Variants in EBF1 observed in about 807,000 individuals in gnomAD.
EBF1 encodes the protein EBF transcription factor 1.
In EBF1, 10 loss-of-function variants were observed where a neutral mutation model predicts 68.4. The ratio of observed to expected loss-of-function variants is 0.15; its 90% confidence interval spans 0.09 to 0.25. EBF1 has a LOEUF of 0.25. Among genes scored for constraint, EBF1 ranks in the 10% least tolerant of loss-of-function variants. EBF1 has a pLI of 1.00. For missense variants in EBF1, 509 were observed against 794.4 expected (o/e 0.64, Z 4.32); for synonymous variants, 298 against 299.8 (o/e 0.99, Z 0.06).
rs111591070 is a variant in EBF1, at chr5:158,890,678, G to A, written c.555-50568C>T. ...CTGCCTTTGTTTTTGGTCCTTCCCC[G>A]AAGCCCCCGCCACCCTGCTGCTAAG... On this transcript the variant is annotated intron_variant, in intron 6 of 15. Coordinates refer to ENST00000313708, the MANE Select transcript of EBF1 (RefSeq NM_024007.5). Among the ~76,000 whole-genome samples the A allele has an allele frequency of 3.9e-5, 6 of 152,074 alleles. No individual in the cohort carries two copies. In the East Asian group the frequency reaches 9.6e-4, roughly 24 times the overall value.
chr5:159,096,902 G>A, intron 2 of EBF1, 72 bp downstream of exon 2: 1 of 1,554,150 alleles, frequency 6.4e-7, no homozygotes, highest in Non-Finnish European at 8.7e-7. Context: ...GGAAGGGCGC[G>A]CTGCCCAAGG....
At chr5:158,992,350 G>C (rs1181464497) in intron 6 of EBF1, among the ~76,000 whole-genome samples, 1 of 151,068 alleles carries the variant, frequency 6.6e-6, no homozygotes, top group Non-Finnish European at 1.5e-5. Context: ...CAGAATTAAA[G>C]AAATGTATGC....
chr5:158,741,476 G>A (rs946919743), intron 10 of EBF1, among the ~76,000 whole-genome samples: 1 of 151,710 alleles, frequency 6.6e-6, no homozygotes, highest in African/African-American at 2.4e-5. Flanking sequence ...TCGGGAGGCT[G>A]AAGTGGGAGA....
At chr5:158,751,028 T>C (rs1768762094) in intron 10 of EBF1, among the ~76,000 whole-genome samples, 1 of 152,104 alleles carries the variant, frequency 6.6e-6, no homozygotes, top group African/African-American at 2.4e-5. Flanking sequence ...AAATGCTTAT[T>C]AGGCTATGTG....
At chr5:159,063,534 G>A (rs1021315885) in intron 6 of EBF1, among the ~76,000 whole-genome samples, 2 of 152,156 alleles carry the variant, frequency 1.3e-5, no homozygotes. Flanking sequence ...TGGGGGCAGA[G>A]ATCAACCCTG....
chr5:158,939,318 G>A (rs1007049241), intron 6 of EBF1, among the ~76,000 whole-genome samples: 23 of 152,182 alleles, frequency 1.5e-4, no homozygotes, highest in African/African-American at 5.3e-4. Context: ...AGCTGAAAGT[G>A]CCAGAAGACA....
chr5:159,028,611 C>G (rs1023698912), intron 6 of EBF1, among the ~76,000 whole-genome samples: 1 of 152,148 alleles, frequency 6.6e-6, no homozygotes, highest in Non-Finnish European at 1.5e-5. Context: ...AACATGAAAA[C>G]AGAGAGACTT....
intron 6 of EBF1, among the ~76,000 whole-genome samples, chr5:158,946,191 G>A (rs138547216): frequency 0.012 from 1,868 of 152,134 alleles, 18 homozygotes; most frequent in South Asian, 0.042. Context: ...CTGTCAATTC[G>A]TCAAACTAAT....
chr5:158,926,613 A>T, intron 6 of EBF1, among the ~76,000 whole-genome samples: 1 of 151,978 alleles, frequency 6.6e-6, no homozygotes, highest in South Asian at 2.1e-4. Flanking sequence ...AATCCCAGCT[A>T]CTTGGGAGGC....
intron 4 of EBF1, among the ~76,000 whole-genome samples, chr5:159,085,944 G>C (rs1198563038): frequency 1.3e-5 from 2 of 152,072 alleles, no homozygotes; most frequent in Admixed American, 6.6e-5. Flanking sequence ...TATGGTATCT[G>C]ATCCCGTTAC....
At chr5:159,076,691 A>G (rs547742362) in intron 5 of EBF1, among the ~76,000 whole-genome samples, 2 of 152,330 alleles carry the variant, frequency 1.3e-5, no homozygotes, top group South Asian at 4.1e-4. Flanking sequence ...CTTGGGTCAT[A>G]TCACTGCATC....
chr5:158,762,342 GAT>G (rs1348493254), intron 10 of EBF1, among the ~76,000 whole-genome samples: 1 of 152,158 alleles, frequency 6.6e-6, no homozygotes, highest in Non-Finnish European at 1.5e-5. Context: ...AAGGGGAATA[GAT>G]ATGTTTTACT....
chr5:159,036,502 A>T (rs1351222582), intron 6 of EBF1, among the ~76,000 whole-genome samples: 1 of 138,564 alleles, frequency 7.2e-6, no homozygotes, highest in East Asian at 2.1e-4. Flanking sequence ...ATAACGCCGC[A>T]TACCTACAAC....
intron 6 of EBF1, among the ~76,000 whole-genome samples, chr5:158,877,349 C>T (rs956491229): frequency 2.0e-5 from 3 of 152,140 alleles, no homozygotes; most frequent in Admixed American, 6.5e-5. Flanking sequence ...TTTGAAAAGG[C>T]GAGCAGAGGC....
At chr5:158,826,829 T>C (rs1466751927) in intron 7 of EBF1, among the ~76,000 whole-genome samples, 1 of 152,206 alleles carries the variant, frequency 6.6e-6, no homozygotes, top group Non-Finnish European at 1.5e-5. Context: ...ATTTCTTGGC[T>C]CATATCAGTG....
chr5:158,994,941 G>T (rs545195312), intron 6 of EBF1, among the ~76,000 whole-genome samples: 1 of 152,184 alleles, frequency 6.6e-6, no homozygotes, highest in Non-Finnish European at 1.5e-5. Context: ...TGACATGAGA[G>T]TCACACTTTC....
At chr5:158,969,413 T>C (rs1389312154) in intron 6 of EBF1, among the ~76,000 whole-genome samples, 1 of 152,042 alleles carries the variant, frequency 6.6e-6, no homozygotes, top group Non-Finnish European at 1.5e-5. Flanking sequence ...CACAGCATCC[T>C]CAAGGGTCAA....
At chr5:158,715,156 G>A (rs990112219) in intron 11 of EBF1, among the ~76,000 whole-genome samples, 4 of 152,198 alleles carry the variant, frequency 2.6e-5, no homozygotes, top group East Asian at 1.9e-4. Context: ...AGAACCAAAC[G>A]TAAGGGTGTG....
intron 6 of EBF1, among the ~76,000 whole-genome samples, chr5:158,946,315 T>C (rs1814685916): frequency 6.6e-6 from 1 of 152,220 alleles, no homozygotes; most frequent in African/African-American, 2.4e-5. Context: ...CTCATCTTCA[T>C]GGATTTATAT....
Sources: allele counts gnomAD v4.1 joint callset (sites outside exome capture counted in the v4.1 genomes callset), GRCh38; gene constraint gnomAD v4.1.1; transcripts MANE v1.5; gene names NCBI Gene and HGNC (gene_info 2026-07-23, HGNC 2026-07-21).